NTM: variants seen among roughly 807,000 people sequenced by gnomAD.
NTM encodes the protein IgLON family member 2.
In NTM, 13 loss-of-function variants were observed where a neutral mutation model predicts 42.1. The observed-to-expected ratio is 0.31, with a 90% CI of 0.20 to 0.49. The LOEUF (loss-of-function observed/expected upper bound fraction) is 0.49, where lower values mean the gene tolerates loss of function less well. Among genes scored for constraint, NTM ranks in the 20% least tolerant of loss-of-function variants. NTM has a pLI of 0.99. For synonymous variants in NTM, 187 were observed against 179.2 expected, an observed-to-expected ratio of 1.04 and a Z score of -0.35; for missense variants, 373 against 452.8, an observed-to-expected ratio of 0.82 and a Z score of 1.60.
rs148032180 is a variant in NTM, at chr11:131,511,151, G to C, written c.82+140263G>C. On this transcript the variant is annotated intron_variant, in intron 1 of 8. Coordinates refer to ENST00000683400, the MANE Select transcript of NTM (RefSeq NM_001352005.2). Reference sequence around the variant, plus strand: ...GGCCACGTGATGAGTGGTGCTTCTAGGAGCTCATCGTACACTCCTCTGAGA... The same window carrying C: ...GGCCACGTGATGAGTGGTGCTTCTACGAGCTCATCGTACACTCCTCTGAGA... Among the ~76,000 whole-genome samples the C allele has an allele frequency of 4.9e-3, 714 of 145,142 alleles. 5 individuals carry two copies. Among genetic ancestry groups the C allele is most frequent in the African/African-American group, 0.017 (673 of 39,330 alleles).
chr11:132,019,880 C>T (rs1353813096), intron 2 of NTM, among the ~76,000 whole-genome samples: 1 of 150,892 alleles, frequency 6.6e-6, no homozygotes, highest in African/African-American at 2.4e-5. Context: ...GGTACATGTG[C>T]AGGTTTGTTA....
chr11:131,662,547 A>G (rs2134488603), intron 1 of NTM: 2 of 152,276 alleles, frequency 1.3e-5, no homozygotes, highest in East Asian at 3.9e-4. Context: ...ACTGCCCAAC[A>G]TGGTAATAAG....
At chr11:131,707,228 A>G (rs2076680624) in intron 1 of NTM, among the ~76,000 whole-genome samples, 1 of 152,046 alleles carries the variant, frequency 6.6e-6, no homozygotes, top group South Asian at 2.1e-4. Flanking sequence ...AAGATTCCAC[A>G]TGCAGTAAGA....
Position 132,307,776 on chromosome 11 carries a change from A to C in NTM, c.614A>C (p.Asn205Thr). The C allele has an allele frequency of 6.2e-7, 1 of 1,614,186 alleles. No individual in the cohort carries two copies. Among genetic ancestry groups the C allele is most frequent in the Non-Finnish European group, 8.5e-7 (1 of 1,180,030 alleles). ...QSGDYECSAS[N>T]DVAAPVVRRV... is the part of the protein sequence containing the mutation. ...GGGGACTACGAGTGCAGTGCCTCCA[A>C]TGACGTGGCCGCGCCCGTGGTACGG... The change falls in exon 5 of 9, where the codon AAT (asparagine) becomes ACT (threonine). Residue 205 changes from asparagine (N) to threonine (T), a missense_variant. This residue lies in a region of NTM where 312 missense variants were observed against 353.5 expected (regional missense o/e 0.88). Coordinates refer to ENST00000683400, the MANE Select transcript of NTM (RefSeq NM_001352005.2).
chr11:131,469,377 A>T (rs1952205153), intron 1 of NTM, among the ~76,000 whole-genome samples: 1 of 152,244 alleles, frequency 6.6e-6, no homozygotes, highest in Non-Finnish European at 1.5e-5. Flanking sequence ...TATGAGGAAG[A>T]TAAACTGTTT....
At chr11:131,919,019 G>C (rs1042937505) in intron 2 of NTM, among the ~76,000 whole-genome samples, 6 of 152,108 alleles carry the variant, frequency 3.9e-5, no homozygotes, top group African/African-American at 9.7e-5. Context: ...AACCAGTCAA[G>C]GCAGACACCA....
chr11:131,572,788 A>G (rs1185984168), intron 1 of NTM, among the ~76,000 whole-genome samples: 2 of 152,188 alleles, frequency 1.3e-5, no homozygotes, highest in African/African-American at 2.4e-5. Flanking sequence ...GCAGAGCCCA[A>G]TCACAGGGAG....
chr11:131,908,276 CAA>C (rs2054158407), intron 1 of NTM, among the ~76,000 whole-genome samples: 1 of 152,214 alleles, frequency 6.6e-6, no homozygotes, highest in Non-Finnish European at 1.5e-5. Flanking sequence ...ACTAATGAAG[CAA>C]TGGCAGGCAA....
chr11:132,335,137 C>A lies in NTM; in HGVS notation c.1059C>A (p.Leu353=). 2 of 1,612,518 alleles carry A rather than the reference C, an allele frequency of 1.2e-6. No individual in the cohort carries two copies. Among genetic ancestry groups the A allele is most frequent in the South Asian group, 2.2e-5 (2 of 91,048 alleles). ...LLPLLVLHLL[L]KF The stretch of plus-strand genomic sequence containing the variant: ...CTCTTCTGGTCTTGCACCTGCTTCT[C>A]AAATTTTGATGTGAGTGCCACTTCC... The change falls in exon 9 of 9, where the codon CTC becomes CTA. Residue 353 remains leucine (L), a synonymous_variant. Coordinates refer to ENST00000683400, the MANE Select transcript of NTM (RefSeq NM_001352005.2).
rs563407888 is a variant in NTM, at chr11:132,227,354, G to A, written c.526+15207G>A. Among the ~76,000 whole-genome samples, 246 of 152,238 alleles carry A rather than the reference G, an allele frequency of 1.6e-3. 2 individuals are homozygous for A. Among genetic ancestry groups the A allele is most frequent in the Non-Finnish European group, 3.0e-3 (202 of 68,012 alleles). ...TGGAAAGAAGGGTTCTGATGAAGAC[G>A]GTAGATAAAAGATTAATTAGAAAGA... is the stretch of plus-strand genomic sequence containing the variant. On this transcript the variant is annotated intron_variant, in intron 4 of 8. Coordinates refer to ENST00000683400, the MANE Select transcript of NTM (RefSeq NM_001352005.2).
intron 1 of NTM, chr11:131,771,766 A>G (rs2086134378): frequency 6.6e-6 from 1 of 152,144 alleles, no homozygotes; most frequent in Non-Finnish European, 1.5e-5. Context: ...TGATCCCTGC[A>G]TTTCTGAGAC....
rs769740331 is a variant in NTM at position 131,424,600 on chromosome 11, C to CTTTTTT, written c.82+53725_82+53730dup. On this transcript the variant is annotated intron_variant, in intron 1 of 8. Transcript: ENST00000683400. Reference sequence around the variant, plus strand: ...AGTTGTTTTTTATTTCTTTTCTTTTCTTTTTTTTTTTTTTTTTTGGCGCAA... The same window carrying CTTTTTT: ...AGTTGTTTTTTATTTCTTTTCTTTTCTTTTTTTTTTTTTTTTTTTTTTTTGGCGCAA... Among the ~76,000 whole-genome samples, 201 of 55,908 alleles carry CTTTTTT rather than the reference C, an allele frequency of 3.6e-3. 20 individuals are homozygous for CTTTTTT. The highest frequency in any genetic ancestry group is 8.2e-3 in the African/African-American group (112 of 13,704). The allele number at this position is 55,908 out of a possible 152,430, so 36.7% of individuals were successfully genotyped here. A position where few individuals can be genotyped will look rare whatever the true frequency, so the allele number is the denominator to read the frequency against.
chr11:131,478,668 T>C (rs1457228765), intron 1 of NTM, among the ~76,000 whole-genome samples: 1 of 152,212 alleles, frequency 6.6e-6, no homozygotes, highest in African/African-American at 2.4e-5. Context: ...ACGGTGGTTA[T>C]AATTGTTAAA....
intron 2 of NTM, among the ~76,000 whole-genome samples, chr11:132,019,221 A>C (rs945182295): frequency 6.6e-6 from 1 of 151,360 alleles, no homozygotes; most frequent in Non-Finnish European, 1.5e-5. Context: ...TTAGTTTTCT[A>C]TTCCAGTTTT....
At chr11:132,190,152 C>T (rs56114093) in intron 3 of NTM, among the ~76,000 whole-genome samples, 3,469 of 152,130 alleles carry the variant, frequency 0.023, 52 homozygotes, top group Non-Finnish European at 0.034. Context: ...GTGCACAATA[C>T]AAGGTTTGGT....
At chr11:132,304,285 C>A (rs2140149032) in intron 4 of NTM, among the ~76,000 whole-genome samples, 1 of 152,202 alleles carries the variant, frequency 6.6e-6, no homozygotes, top group African/African-American at 2.4e-5. Flanking sequence ...AAAGAAAAAG[C>A]AGACTTATAA....
At chr11:131,976,674 A>G (rs551089282) in intron 2 of NTM, among the ~76,000 whole-genome samples, 13 of 152,308 alleles carry the variant, frequency 8.5e-5, no homozygotes, top group African/African-American at 2.6e-4. Flanking sequence ...AATGTCCAGG[A>G]TGCTCTCTGG....
At chr11:132,122,165 G>A (rs114741930) in intron 2 of NTM, among the ~76,000 whole-genome samples, 2,621 of 152,286 alleles carry the variant, frequency 0.017, 26 homozygotes, top group African/African-American at 0.024. Context: ...CCTTTGCTCC[G>A]AATAGACAGG....
At chr11:132,271,033 C>G (rs1425414112) in intron 4 of NTM, among the ~76,000 whole-genome samples, 1 of 152,132 alleles carries the variant, frequency 6.6e-6, no homozygotes, top group Non-Finnish European at 1.5e-5. Flanking sequence ...TTATCATCCC[C>G]AACAGAAACC....
Sources: gnomAD v4.1 joint callset for allele counts (sites outside exome capture counted in the v4.1 genomes callset) on GRCh38, gnomAD v4.1.1 for gene constraint, gnomAD v4.1.1 regional missense constraint, MANE v1.5 for transcripts, NCBI Gene and HGNC (gene_info 2026-07-23, HGNC 2026-07-21) for gene names.